Variants in RAD9B observed in about 807,000 individuals in gnomAD.
The protein encoded by RAD9B is RAD9 checkpoint clamp component B.
RAD9B carries 41 observed loss-of-function variants against 48.3 expected under a neutral mutation model. That is an observed-to-expected ratio of 0.85 (90% confidence interval 0.66 to 1.10). RAD9B has a LOEUF of 1.10. Among genes scored for constraint, RAD9B ranks in the 50% least tolerant of loss-of-function variants. The pLI, the probability that RAD9B is intolerant of heterozygous loss-of-function variation, is 0.00. For missense variants in RAD9B, 444 were observed against 485.1 expected (o/e 0.92, Z 0.80); for synonymous variants, 160 against 157.9 (o/e 1.01, Z -0.10).
intron 10 of RAD9B, among the ~76,000 whole-genome samples, chr12:110,525,630 G>A (rs1181896391): frequency 2.0e-5 from 3 of 152,058 alleles, no homozygotes; most frequent in Admixed American, 6.6e-5. Context: ...TATGGTCAAG[G>A]TGGTGTCTGC....
rs756501052 is a variant in RAD9B at position 110,502,347 on chromosome 12, A to G, written c.10A>G (p.Met4Val). The change falls in exon 1 of 11, where the codon ATG (methionine) becomes GTG (valine). Residue 4 changes from methionine (M) to valine (V), a missense_variant. Coordinates refer to ENST00000409300, the MANE Select transcript of RAD9B (RefSeq NM_001286535.2). MAA[M>V]LKCVMSGSQV... is the part of the protein sequence containing the mutation. ...CTGCTTTTTAGGGCGGATGGCAGCC[A>G]TGCTGAAGTGCGTGATGAGCGGCAG... 10 of 1,613,544 alleles carry G rather than the reference A, an allele frequency of 6.2e-6. No homozygotes were observed. The highest frequency in any genetic ancestry group is 2.2e-5 in the East Asian group (1 of 44,898).
At position 110,531,016 on chromosome 12, in the gene RAD9B, G is replaced by T; in HGVS notation, c.*363G>T. On this transcript the variant is annotated 3_prime_UTR_variant, in exon 11 of 11. Transcript: ENST00000409300. The stretch of plus-strand genomic sequence containing the variant: ...CAGCCATTTAGAGTGCCATCAAGAT[G>T]GCTTGAAATGGAATTTTGTGATTTG... The T allele has an allele frequency of 9.9e-7, 1 of 1,007,500 alleles. No homozygotes were observed. Among genetic ancestry groups the T allele is most frequent in the Non-Finnish European group, 1.2e-6 (1 of 844,760 alleles). The allele number at this position is 1,007,500 out of a possible 1,614,324, so 62.4% of individuals were successfully genotyped here. A position where few individuals can be genotyped will look rare whatever the true frequency, so the allele number is the denominator to read the frequency against.
At chr12:110,526,024 C>T (rs562469650) in intron 10 of RAD9B, among the ~76,000 whole-genome samples, 1 of 151,832 alleles carries the variant, frequency 6.6e-6, no homozygotes, top group South Asian at 2.1e-4. Context: ...TTTGGTAGAG[C>T]CAGGGTTTCA....
chr12:110,531,826 AATT>A lies in RAD9B; in HGVS notation c.*1176_*1178del. ...CCCTCCCCCAAACCTGTTTACAGTCAATTATAACCTGACAAACGAGACTTTTGT... is the reference window on the plus strand; with the variant it reads ...CCCTCCCCCAAACCTGTTTACAGTCAATAACCTGACAAACGAGACTTTTGT... On this transcript the variant is annotated 3_prime_UTR_variant, in exon 11 of 11. Transcript: ENST00000409300. The A allele has an allele frequency of 1.9e-6, 1 of 531,282 alleles. No homozygotes were observed. Among genetic ancestry groups the A allele is most frequent in the Non-Finnish European group, 3.3e-6 (1 of 304,584 alleles). 32.9% of individuals were successfully genotyped at this position (531,282 alleles called of 1,614,324 possible).
rs986358810 is a variant in RAD9B at position 110,533,131 on chromosome 12, A to C, written c.*2478A>C. On this transcript the variant is annotated 3_prime_UTR_variant, in exon 11 of 11. Transcript: ENST00000409300. The stretch of plus-strand genomic sequence containing the variant: ...CCAGTTAAAGTAGCAGCATATAATC[A>C]GTGCTAGAATGACTAGGAGGCTTGG... 1.3e-5 allele frequency: 2 copies of C among 152,224 alleles called. No individual in the cohort carries two copies. Among genetic ancestry groups the C allele is most frequent in the South Asian group, 2.1e-4 (1 of 4,836 alleles). The allele number at this position is 152,224 out of a possible 1,614,324, so 9.4% of individuals were successfully genotyped here.
intron 9 of RAD9B, among the ~76,000 whole-genome samples, chr12:110,520,190 AGTTTTTGTTGTTGTT>A (rs1406402898): frequency 6.8e-6 from 1 of 146,986 alleles, no homozygotes; most frequent in East Asian, 1.9e-4. Context: ...TCCAATTTTT[AGTTTTTGTTGTTGTT>A]GTTGTTGTTG....
rs74420526 is a variant in RAD9B, at chr12:110,531,798, T to C, written c.*1145T>C. On this transcript the variant is annotated 3_prime_UTR_variant, in exon 11 of 11. Coordinates refer to ENST00000409300, the MANE Select transcript of RAD9B (RefSeq NM_001286535.2). ...TATGTAATGTCTTATGATGTGTGCC[T>C]CTCCCTCCCCCAAACCTGTTTACAG... 4,545 of 595,340 alleles carry C rather than the reference T, an allele frequency of 7.6e-3. 15 individuals are homozygous for C. The highest frequency in any genetic ancestry group is 9.1e-3 in the Non-Finnish European group (3,148 of 345,594). 36.9% of individuals were successfully genotyped at this position (595,340 alleles called of 1,614,324 possible).
rs1242912153 is a variant in RAD9B at position 110,506,615 on chromosome 12, G to T, written c.310G>T (p.Glu104Ter). Residue 104 changes from glutamate to a stop codon, truncating the protein, a stop_gained, in exon 4 of 11, where the codon GAA (glutamate) becomes TAA (stop). Coordinates refer to ENST00000409300, the MANE Select transcript of RAD9B (RefSeq NM_001286535.2). LOFTEE classifies it high-confidence loss of function. ...LPIFRCLNSLERNIEKCRIFT... is the reference protein window; with the variant it reads ...LPIFRCLNSL ...CATCTTTAGATGTCTGAATTCCCTTGAAAGAAATATAGAGAAGTGCAGAAT... is the reference window on the plus strand; with the variant it reads ...CATCTTTAGATGTCTGAATTCCCTTTAAAGAAATATAGAGAAGTGCAGAAT... 6 of 1,603,180 alleles carry T rather than the reference G, an allele frequency of 3.7e-6. No homozygotes were observed. Among genetic ancestry groups the T allele is most frequent in the Non-Finnish European group, 5.1e-6 (6 of 1,170,556 alleles).
Position 110,532,998 on chromosome 12 carries a change from A to G in RAD9B, c.*2345A>G, listed in dbSNP as rs1284975439. Among the ~76,000 whole-genome samples, 2 of 152,216 alleles carry G rather than the reference A, an allele frequency of 1.3e-5. No individual in the cohort carries two copies. The highest frequency in any genetic ancestry group is 4.8e-5 in the African/African-American group (2 of 41,444). ...TGTAGCTTCCCTCTATACTATACGGAAGGTGCAAAGCCTCAGCTGGGAAAA... is the reference window on the plus strand; with the variant it reads ...TGTAGCTTCCCTCTATACTATACGGGAGGTGCAAAGCCTCAGCTGGGAAAA... On this transcript the variant is annotated 3_prime_UTR_variant, in exon 11 of 11. Coordinates refer to ENST00000409300, the MANE Select transcript of RAD9B (RefSeq NM_001286535.2).
Position 110,512,780 on chromosome 12 carries a change from T to C in RAD9B, c.390T>C (p.Gly130=), listed in dbSNP as rs1190502946. ...AGAGGTGGCTTTATTCTTTTTAAGGTATTAAAAGAACTCATAATATATGTT... is the reference window on the plus strand; with the variant it reads ...AGAGGTGGCTTTATTCTTTTTAAGGCATTAAAAGAACTCATAATATATGTT... The part of the protein sequence containing the change: ...KVVIQFFYRH[G]IKRTHNICFQ... The change falls in exon 5 of 11, where the codon GGT becomes GGC. Residue 130 remains glycine (G), a splice_region_variant and synonymous_variant. Transcript: ENST00000409300. 2 of 1,242,114 alleles carry C rather than the reference T, an allele frequency of 1.6e-6. No individual in the cohort carries two copies. Among genetic ancestry groups the C allele is most frequent in the Admixed American group, 2.2e-5 (1 of 46,040 alleles). The allele number at this position is 1,242,114 out of a possible 1,614,324, so 76.9% of individuals were successfully genotyped here.
chr12:110,512,135 G>A (rs761251442), intron 4 of RAD9B, among the ~76,000 whole-genome samples: 3 of 149,752 alleles, frequency 2.0e-5, no homozygotes, highest in Non-Finnish European at 1.5e-5. Flanking sequence ...GTGAGCCACC[G>A]TGCCTGGCCT....
At chr12:110,503,603 CACT>C (rs1479361732) in intron 1 of RAD9B, among the ~76,000 whole-genome samples, 200 bp from the exon 2 acceptor site, 1 of 152,210 alleles carries the variant, frequency 6.6e-6, no homozygotes, top group Non-Finnish European at 1.5e-5. Context: ...TCATTTCACA[CACT>C]ACAAATTTAT....
chr12:110,527,759 T>G (rs1404356711), intron 10 of RAD9B, among the ~76,000 whole-genome samples: 1 of 152,222 alleles, frequency 6.6e-6, no homozygotes, highest in Non-Finnish European at 1.5e-5. Flanking sequence ...TTTAGTTCAA[T>G]AAAGGAGAAG....
At chr12:110,513,451 T>C (rs774185663) in intron 5 of RAD9B, among the ~76,000 whole-genome samples, 1 of 152,056 alleles carries the variant, frequency 6.6e-6, no homozygotes, top group Non-Finnish European at 1.5e-5. Flanking sequence ...TTTATATGGT[T>C]CTTGTCTGAA....
intron 4 of RAD9B, among the ~76,000 whole-genome samples, chr12:110,510,093 C>T (rs1419612953): frequency 1.3e-5 from 2 of 152,230 alleles, no homozygotes; most frequent in Non-Finnish European, 2.9e-5. Flanking sequence ...AGTAGCTCCC[C>T]ATTTTACCCA....
intron 10 of RAD9B, among the ~76,000 whole-genome samples, chr12:110,522,626 T>A: frequency 6.6e-6 from 1 of 152,304 alleles, no homozygotes. Flanking sequence ...ATAGTTAAAT[T>A]GTTCAGTCAG....
In RAD9B at chr12:110,512,931, G is replaced by A. The variant is rs955878381; in HGVS notation, c.488+53G>A. 1.4e-4 allele frequency: 128 copies of A among 884,602 alleles called. No homozygotes were observed. The Middle Eastern group carries it at 1.5e-3, about 10-fold the overall frequency. The allele number at this position is 884,602 out of a possible 1,614,324, so 54.8% of individuals were successfully genotyped here. A position where few individuals can be genotyped will look rare whatever the true frequency, so the allele number is the denominator to read the frequency against. Reference sequence around the variant, plus strand: ...TTCACCTGAATACAGTATGATCATGGAGTGAAGAATCAATGCCCTAGAGCT... The same window carrying A: ...TTCACCTGAATACAGTATGATCATGAAGTGAAGAATCAATGCCCTAGAGCT... On this transcript the variant is annotated intron_variant, in intron 5 of 10. Transcript: ENST00000409300.
intron 10 of RAD9B, among the ~76,000 whole-genome samples, chr12:110,524,729 G>A (rs930721345): frequency 4.0e-5 from 6 of 150,916 alleles, no homozygotes; most frequent in South Asian, 2.2e-4. Flanking sequence ...GTGAAACCCC[G>A]TCTCTACTGC....
At position 110,531,483 on chromosome 12, in the gene RAD9B, C is replaced by T. The variant is rs76750788; in HGVS notation, c.*830C>T. 6.3e-5 allele frequency: 57 copies of T among 904,674 alleles called. No homozygotes were observed. Among genetic ancestry groups the T allele is most frequent in the Middle Eastern group, 2.5e-4 (1 of 4,062 alleles). The allele number at this position is 904,674 out of a possible 1,614,324, so 56.0% of individuals were successfully genotyped here. A position where few individuals can be genotyped will look rare whatever the true frequency, so the allele number is the denominator to read the frequency against. On this transcript the variant is annotated 3_prime_UTR_variant, in exon 11 of 11. Coordinates refer to ENST00000409300, the MANE Select transcript of RAD9B (RefSeq NM_001286535.2). Reference sequence around the variant, plus strand: ...CTGGGATTACAGACTTGAGCCACTGCGCCCAACCTGGAGTGTTTTTACATA... The same window carrying T: ...CTGGGATTACAGACTTGAGCCACTGTGCCCAACCTGGAGTGTTTTTACATA...
Sources: gnomAD v4.1 joint callset for allele counts (sites outside exome capture counted in the v4.1 genomes callset) on GRCh38, gnomAD v4.1.1 for gene constraint, MANE v1.5 for transcripts, NCBI Gene and HGNC (gene_info 2026-07-23, HGNC 2026-07-21) for gene names.